The following BAZ2B variants were observed in gnomAD, a reference collection of about 807,000 sequenced individuals.
BAZ2B encodes bromodomain adjacent to zinc finger domain 2B, also known as bromodomain adjacent to zinc finger domain protein 2B.
Under a neutral mutation model 246.0 loss-of-function variants are expected in BAZ2B, and 91 were observed. That is an observed-to-expected ratio of 0.37 (90% CI 0.31 to 0.44). The LOEUF is 0.44. BAZ2B is among the 20% of genes least tolerant of loss of function. The pLI is 1.00. For synonymous variants in BAZ2B, 855 were observed against 860.0 expected (o/e 0.99, Z 0.10); for missense variants, 2,332 against 2,533.7 (o/e 0.92, Z 1.71).
Position 159,569,503 on chromosome 2 carries a change from A to G in BAZ2B, c.-45-13638T>C, listed in dbSNP as rs551335631. Among the ~76,000 whole-genome samples the G allele has an allele frequency of 2.1e-4, 32 of 152,312 alleles. No individual in the cohort carries two copies. The East Asian group carries it at 5.8e-3, about 27-fold the overall frequency. Reference sequence around the variant, plus strand: ...TTTTCTAATATTAAGCAGAAAAAGTATAAAAAGATACAAATATAATATTTG... The same window carrying G: ...TTTTCTAATATTAAGCAGAAAAAGTGTAAAAAGATACAAATATAATATTTG... On this transcript the variant is annotated intron_variant, in intron 1 of 36. Transcript: ENST00000392783.
chr2:159,621,511 C>G (rs1040735785), upstream of BAZ2B, among the ~76,000 whole-genome samples: 2 of 152,116 alleles, frequency 1.3e-5, no homozygotes, highest in African/African-American at 4.8e-5. Context: ...ATAACAGATA[C>G]TAAAGCATTA....
intron 1 of BAZ2B, 123 bp from the exon 2 acceptor site, chr2:159,555,988 C>T (rs943909832): frequency 6.6e-6 from 1 of 152,104 alleles, no homozygotes; most frequent in Admixed American, 6.6e-5. Context: ...AATTAACCTA[C>T]GGTATCAGGG....
At position 159,597,548 on chromosome 2, in the gene BAZ2B, G is replaced by A. The variant is rs12989041; in HGVS notation, c.-46+18694C>T. ...TCTTACTTTTTAAAATTTTTTTTTG[G>A]TGGAGTCTTGCTCCGTTGCCCAGGC... On this transcript the variant is annotated intron_variant, in intron 1 of 36. Coordinates refer to ENST00000392783, the MANE Select transcript of BAZ2B (RefSeq NM_013450.4). Among the ~76,000 whole-genome samples, 162 of 151,902 alleles carry A rather than the reference G, an allele frequency of 1.1e-3. 1 individual carries two copies. Among genetic ancestry groups the A allele is most frequent in the Middle Eastern group, 3.4e-3 (1 of 294 alleles).
chr2:159,344,968 C>T (rs77176887), intron 31 of BAZ2B, among the ~76,000 whole-genome samples: 5,379 of 152,026 alleles, frequency 0.035, 175 homozygotes, highest in East Asian at 0.12. Context: ...CCAGCACTTT[C>T]GGAGGCCGAG....
At chr2:159,655,830 G>C in the BAZ2B span, among the ~76,000 whole-genome samples, 1 of 151,972 alleles carries the variant, frequency 6.6e-6, no homozygotes, top group East Asian at 1.9e-4. Flanking sequence ...TATCTATTTA[G>C]AGTCCCCCTT....
At chr2:159,693,413 T>G in the BAZ2B span, 1 of 143,188 alleles carries the variant, frequency 7.0e-6, no homozygotes, top group Non-Finnish European at 1.5e-5. Context: ...TATATTTGCC[T>G]TAAAAATAAA....
intron 27 of BAZ2B, among the ~76,000 whole-genome samples, chr2:159,366,879 G>A (rs2060269415): frequency 6.6e-6 from 1 of 152,066 alleles, no homozygotes; most frequent in African/African-American, 2.4e-5. Flanking sequence ...TATTGCAGAT[G>A]GGGACGCATA....
At chr2:159,662,547 G>C in the BAZ2B span, among the ~76,000 whole-genome samples, 1 of 152,114 alleles carries the variant, frequency 6.6e-6, no homozygotes, top group Non-Finnish European at 1.5e-5. Flanking sequence ...TTGTTTTTGA[G>C]ATGAAGGCTT....
chr2:159,623,374 A>C, the BAZ2B span, among the ~76,000 whole-genome samples: 6 of 152,106 alleles, frequency 3.9e-5, no homozygotes, highest in East Asian at 1.2e-3. Flanking sequence ...TCTCAGAAAA[A>C]AAACAAAAAA....
chr2:159,502,839 C>T (rs1392945695), intron 2 of BAZ2B, among the ~76,000 whole-genome samples: 1 of 152,132 alleles, frequency 6.6e-6, no homozygotes, highest in Non-Finnish European at 1.5e-5. Context: ...ATACTCTTAC[C>T]AAACTCTCTC....
the BAZ2B span, among the ~76,000 whole-genome samples, chr2:159,680,134 T>C: frequency 1.3e-5 from 2 of 152,202 alleles, no homozygotes; most frequent in East Asian, 3.8e-4. Context: ...GCTGGGGTAG[T>C]TCTGGACAGC....
At chr2:159,706,560 G>A in the BAZ2B span, among the ~76,000 whole-genome samples, 8 of 152,324 alleles carry the variant, frequency 5.3e-5, no homozygotes, top group African/African-American at 1.4e-4. Flanking sequence ...ACGCACGCGT[G>A]CGCATGTGCA....
Position 159,487,495 on chromosome 2 carries a change from A to G in BAZ2B, c.-2-8774T>C, listed in dbSNP as rs541211789. Reference sequence around the variant, plus strand: ...TGTCAGAGTCTGAATCCTCACCTTCAAGTAGGAGGCACTTTCACTGTTCCC... The same window carrying G: ...TGTCAGAGTCTGAATCCTCACCTTCGAGTAGGAGGCACTTTCACTGTTCCC... On this transcript the variant is annotated intron_variant, in intron 2 of 36. Coordinates refer to ENST00000392783, the MANE Select transcript of BAZ2B (RefSeq NM_013450.4). 1.2e-4 allele frequency among the ~76,000 whole-genome samples: 19 copies of G among 152,268 alleles called. No individual in the cohort carries two copies. The South Asian group carries it at 3.9e-3, about 32-fold the overall frequency.
At chr2:159,442,598 A>G (rs903083228) in intron 6 of BAZ2B, among the ~76,000 whole-genome samples, 10 of 152,194 alleles carry the variant, frequency 6.6e-5, no homozygotes, top group African/African-American at 2.4e-4. Flanking sequence ...TGTTGTGCAA[A>G]CATCAGTGCT....
intron 2 of BAZ2B, among the ~76,000 whole-genome samples, chr2:159,481,425 A>AT (rs1421061129): frequency 1.3e-5 from 2 of 150,822 alleles, no homozygotes; most frequent in African/African-American, 2.4e-5. Context: ...TATAATAAAA[A>AT]ATATATATAT....
intron 27 of BAZ2B, among the ~76,000 whole-genome samples, chr2:159,356,159 G>A (rs1441099358): frequency 6.6e-6 from 1 of 152,152 alleles, no homozygotes; most frequent in Non-Finnish European, 1.5e-5. Context: ...CCCCTGGAAA[G>A]GGGGCTGAAG....
In BAZ2B at chr2:159,349,040, C is replaced by T. The variant is rs1441799557; in HGVS notation, c.5104G>A (p.Val1702Ile). 2 of 1,614,098 alleles carry T rather than the reference C, an allele frequency of 1.2e-6. No individual in the cohort carries two copies. Among genetic ancestry groups the T allele is most frequent in the African/African-American group, 1.3e-5 (1 of 75,034 alleles). Residue 1702 changes from valine to isoleucine, a missense_variant, in exon 29 of 37, where the codon GTA becomes ATA. Physicochemically the swap from Val to Ile is conservative, Grantham distance 29. This residue lies in a region of BAZ2B where 676 missense variants were observed against 668.6 expected (regional missense o/e 1.01). Coordinates refer to ENST00000392783, the MANE Select transcript of BAZ2B (RefSeq NM_013450.4). ...ATAGGTTTTGGACTAGGAAAATCTA[C>T]TGGTTTTGCTACTTCAACAGCTGCA... is the stretch of plus-strand genomic sequence containing the variant. ...QPAAVEVAKPVDFPSPKPIPE... is the reference protein window; with the variant it reads ...QPAAVEVAKPIDFPSPKPIPE...
chr2:159,526,422 C>A (rs560945145), intron 2 of BAZ2B, among the ~76,000 whole-genome samples: 1 of 152,208 alleles, frequency 6.6e-6, no homozygotes, highest in East Asian at 1.9e-4. Flanking sequence ...ATGTAAATTG[C>A]AGTTCTACTT....
the BAZ2B span, among the ~76,000 whole-genome samples, chr2:159,711,528 G>A: frequency 6.6e-6 from 1 of 151,968 alleles, no homozygotes; most frequent in African/African-American, 2.4e-5. Context: ...GGATCCAAAG[G>A]ATTGCTTTTA....
Sources: allele counts gnomAD v4.1 joint callset (sites outside exome capture counted in the v4.1 genomes callset), GRCh38; gene constraint gnomAD v4.1.1; regional missense constraint gnomAD v4.1.1; transcripts MANE v1.5; gene names NCBI Gene and HGNC (gene_info 2026-07-23, HGNC 2026-07-21).